FSTL4: variants seen among roughly 807,000 people sequenced by gnomAD.
FSTL4 encodes follistatin like 4, also known as follistatin-related protein 4.
A neutral mutation model predicts 78.2 loss-of-function variants in FSTL4; 28 were observed. That is an observed-to-expected ratio of 0.36 (90% CI 0.27 to 0.49). FSTL4 has a LOEUF of 0.49. Among genes scored for constraint, FSTL4 ranks in the 20% least tolerant of loss-of-function variants. The pLI is 0.98. For missense variants in FSTL4, 922 were observed against 1,084.9 expected (o/e 0.85, Z 2.11); for synonymous variants, 422 against 440.5 (o/e 0.96, Z 0.53).
chr5:133,397,946 A>C (rs556499548), intron 4 of FSTL4, among the ~76,000 whole-genome samples: 6 of 152,316 alleles, frequency 3.9e-5, no homozygotes, highest in Non-Finnish European at 7.4e-5. Flanking sequence ...GACAAATGAC[A>C]AACTGTCATT....
intron 3 of FSTL4, among the ~76,000 whole-genome samples, chr5:133,402,593 G>GA (rs5871487): frequency 1.6e-4 from 23 of 146,058 alleles, no homozygotes; most frequent in East Asian, 7.9e-4. Context: ...CAAAAAAGAA[G>GA]AAAAAAAAAA....
intron 4 of FSTL4, among the ~76,000 whole-genome samples, chr5:133,369,236 G>A (rs1168404443): frequency 6.6e-6 from 1 of 152,190 alleles, no homozygotes; most frequent in East Asian, 1.9e-4. Context: ...TTTGAGGCTT[G>A]GCTAAAGAGA....
chr5:133,218,495 T>C (rs1750987284), intron 12 of FSTL4, among the ~76,000 whole-genome samples: 1 of 152,148 alleles, frequency 6.6e-6, no homozygotes, highest in African/African-American at 2.4e-5. Context: ...CCAATAACAT[T>C]ATTTCTTGTT....
the FSTL4 span, among the ~76,000 whole-genome samples, chr5:133,770,836 C>T: frequency 6.6e-6 from 1 of 151,904 alleles, no homozygotes; most frequent in East Asian, 1.9e-4. Flanking sequence ...CATAGGTTTT[C>T]TTCTAGGATT....
chr5:133,458,307 TA>T (rs978025276), intron 3 of FSTL4: 4 of 152,172 alleles, frequency 2.6e-5, no homozygotes, highest in Non-Finnish European at 5.9e-5. Flanking sequence ...TATGTATTAA[TA>T]AAAAAGAATG....
chr5:133,617,254 G>A (rs1005205555), upstream of FSTL4, among the ~76,000 whole-genome samples: 11 of 143,376 alleles, frequency 7.7e-5, no homozygotes, highest in Admixed American at 2.2e-4. Context: ...AGCCGAGGTC[G>A]TGCCACTGCA....
intron 3 of FSTL4, among the ~76,000 whole-genome samples, chr5:133,404,627 T>C (rs1252878603): frequency 3.5e-4 from 53 of 152,160 alleles, no homozygotes; most frequent in Admixed American, 3.5e-3. Flanking sequence ...GGATTTTCAA[T>C]AAGAATGTCA....
chr5:133,519,719 G>C (rs1021894225), intron 3 of FSTL4, among the ~76,000 whole-genome samples: 7 of 152,138 alleles, frequency 4.6e-5, no homozygotes, highest in African/African-American at 1.7e-4. Context: ...TTGTTGTTTA[G>C]CAAGAACCAT....
At chr5:133,430,228 G>T (rs114623914) in intron 3 of FSTL4, among the ~76,000 whole-genome samples, 2,647 of 152,288 alleles carry the variant, frequency 0.017, 44 homozygotes, top group South Asian at 0.066. Context: ...TTAGTTAATT[G>T]TCTTTGTTTC....
At chr5:133,484,473 G>GA (rs1758092609) in intron 3 of FSTL4, among the ~76,000 whole-genome samples, 1 of 152,192 alleles carries the variant, frequency 6.6e-6, no homozygotes, top group Non-Finnish European at 1.5e-5. Context: ...CCACATGAGA[G>GA]AAAAGCTTTA....
At chr5:133,681,149 G>A in the FSTL4 span, among the ~76,000 whole-genome samples, 10 of 152,372 alleles carry the variant, frequency 6.6e-5, no homozygotes, top group African/African-American at 2.4e-4. Flanking sequence ...CAGGTGGGCA[G>A]GCAAAAGCCC....
intron 3 of FSTL4, among the ~76,000 whole-genome samples, chr5:133,453,159 A>G (rs561446055): frequency 2.0e-5 from 3 of 152,258 alleles, no homozygotes; most frequent in Non-Finnish European, 4.4e-5. Context: ...CTCTTCTTCT[A>G]CATCCAACGA....
chr5:133,282,967 T>A (rs1007519935), intron 6 of FSTL4, among the ~76,000 whole-genome samples: 1 of 152,314 alleles, frequency 6.6e-6, no homozygotes, highest in Admixed American at 6.5e-5. Flanking sequence ...TTAACACTTG[T>A]TAAGTTCTGA....
At chr5:133,429,647 A>T (rs191037477) in intron 3 of FSTL4, among the ~76,000 whole-genome samples, 3 of 152,288 alleles carry the variant, frequency 2.0e-5, no homozygotes, top group Admixed American at 2.0e-4. Context: ...TTATCAGGTC[A>T]TTTGGATTCC....
intron 4 of FSTL4, among the ~76,000 whole-genome samples, chr5:133,342,886 T>C (rs963180327): frequency 6.6e-6 from 1 of 152,204 alleles, no homozygotes; most frequent in Non-Finnish European, 1.5e-5. Context: ...ACCCAGAGTA[T>C]GCCTTTCCAA....
At chr5:133,418,740 A>G (rs1010619307) in intron 3 of FSTL4, among the ~76,000 whole-genome samples, 1 of 152,254 alleles carries the variant, frequency 6.6e-6, no homozygotes, top group African/African-American at 2.4e-5. Flanking sequence ...TTTTAAGGAC[A>G]CACCTTCATT....
At chr5:133,618,589 T>C in the FSTL4 span, among the ~76,000 whole-genome samples, 1 of 152,360 alleles carries the variant, frequency 6.6e-6, no homozygotes, top group East Asian at 1.9e-4. Context: ...GGTTTATTGA[T>C]TGCTAACTAT....
chr5:133,221,242 T>C (rs116498997), intron 11 of FSTL4, among the ~76,000 whole-genome samples: 14 of 152,340 alleles, frequency 9.2e-5, no homozygotes, highest in African/African-American at 3.1e-4. Context: ...GATCAGTGGA[T>C]GCCAAAGTAG....
chr5:133,812,692 A>G, the FSTL4 span, among the ~76,000 whole-genome samples: 1 of 152,176 alleles, frequency 6.6e-6, no homozygotes, highest in African/African-American at 2.4e-5. Flanking sequence ...CCATGCAGCT[A>G]TCACTGCCTA....
Sources: gnomAD v4.1 joint callset for allele counts (sites outside exome capture counted in the v4.1 genomes callset) on GRCh38, gnomAD v4.1.1 for gene constraint, MANE v1.5 for transcripts, NCBI Gene and HGNC (gene_info 2026-07-23, HGNC 2026-07-21) for gene names.